The following HS3ST4 variants were observed in gnomAD, a reference collection of about 807,000 sequenced individuals.
HS3ST4 encodes heparan sulfate-glucosamine 3-sulfotransferase 4.
In HS3ST4, 17 loss-of-function variants were observed where a neutral mutation model predicts 29.2. That is an observed-to-expected ratio of 0.58 (90% CI 0.40 to 0.87). The LOEUF is 0.87. Ranked by LOEUF, HS3ST4 falls within the 40% of genes least tolerant of loss-of-function variation. The probability of loss-of-function intolerance (pLI) is 0.00; values close to 1 mark genes in which losing one functional copy is unlikely to be tolerated. For missense variants in HS3ST4, 627 were observed against 634.5 expected (o/e 0.99, Z 0.13); for synonymous variants, 314 against 285.7 (o/e 1.10, Z -1.00).
Position 26,103,060 on chromosome 16 carries a change from G to A in HS3ST4, c.735-32552G>A, listed in dbSNP as rs920293432. Among the ~76,000 whole-genome samples, 16 of 152,250 alleles carry A rather than the reference G, an allele frequency of 1.1e-4. No individual in the cohort carries two copies. The East Asian group carries it at 3.1e-3, about 30-fold the overall frequency. On this transcript the variant is annotated intron_variant, in intron 1 of 1. Coordinates refer to ENST00000331351, the MANE Select transcript of HS3ST4 (RefSeq NM_006040.3). ...ATATCACTTTAGCTCATATTCCATTGGCTAGAACTCAGTCACATGACCATA... is the reference window on the plus strand; with the variant it reads ...ATATCACTTTAGCTCATATTCCATTAGCTAGAACTCAGTCACATGACCATA...
rs12598414 is a variant in HS3ST4 at position 26,046,727 on chromosome 16, A to G, written c.735-88885A>G. Among the ~76,000 whole-genome samples the G allele has an allele frequency of 0.021, 3,192 of 151,482 alleles. 193 individuals are homozygous for G. In the East Asian group the frequency reaches 0.28, roughly 13 times the overall value. The stretch of plus-strand genomic sequence containing the variant: ...TGTATATATGTGTATATATATATAT[A>G]TGTGTGTGTGTGTATGTGTGTAAAC... On this transcript the variant is annotated intron_variant, in intron 1 of 1. Transcript: ENST00000331351.
chr16:25,806,644 T>C (rs562651711), intron 1 of HS3ST4, among the ~76,000 whole-genome samples: 2 of 152,334 alleles, frequency 1.3e-5, no homozygotes, highest in East Asian at 3.9e-4. Context: ...AGTTGCAAGT[T>C]CACATACAGT....
At chr16:26,029,272 T>C (rs1969509541) in intron 1 of HS3ST4, among the ~76,000 whole-genome samples, 1 of 152,198 alleles carries the variant, frequency 6.6e-6, no homozygotes, top group African/African-American at 2.4e-5. Context: ...ACTGGTTTCA[T>C]GGTCACATGG....
chr16:26,075,558 G>T (rs745650617), intron 1 of HS3ST4, among the ~76,000 whole-genome samples: 11 of 152,220 alleles, frequency 7.2e-5, no homozygotes, highest in Non-Finnish European at 1.2e-4. Context: ...CTCATTGCAG[G>T]ATGTGGTCTT....
At chr16:25,795,278 C>T (rs1348428871) in intron 1 of HS3ST4, among the ~76,000 whole-genome samples, 3 of 151,912 alleles carry the variant, frequency 2.0e-5, no homozygotes, top group African/African-American at 7.2e-5. Context: ...GCCCCCCATC[C>T]CGCCTTTTCT....
chr16:25,808,204 A>G (rs1032509310), intron 1 of HS3ST4, among the ~76,000 whole-genome samples: 2 of 152,160 alleles, frequency 1.3e-5, no homozygotes, highest in Non-Finnish European at 2.9e-5. Context: ...TTCTTTGCCT[A>G]GCCTGGATCC....
At chr16:25,769,186 G>A (rs1249513296) in intron 1 of HS3ST4, among the ~76,000 whole-genome samples, 1 of 152,100 alleles carries the variant, frequency 6.6e-6, no homozygotes, top group Non-Finnish European at 1.5e-5. Context: ...TGCTGGAATT[G>A]TGCTACCTCA....
chr16:26,031,383 A>T (rs1430200253), intron 1 of HS3ST4, among the ~76,000 whole-genome samples: 1 of 152,200 alleles, frequency 6.6e-6, no homozygotes, highest in Non-Finnish European at 1.5e-5. Flanking sequence ...AGGCTCCCGA[A>T]TCTGACTCAT....
chr16:26,042,751 C>T (rs1176051450), intron 1 of HS3ST4, among the ~76,000 whole-genome samples: 1 of 137,280 alleles, frequency 7.3e-6, no homozygotes, highest in African/African-American at 2.7e-5. Context: ...TGCAGTGTGA[C>T]TTTTTGTTCT....
At chr16:26,097,365 G>A (rs935963604) in intron 1 of HS3ST4, among the ~76,000 whole-genome samples, 14 of 152,076 alleles carry the variant, frequency 9.2e-5, no homozygotes, top group African/African-American at 2.9e-4. Context: ...AAACAGCATG[G>A]TACTGGTACC....
At chr16:25,757,088 G>C (rs762300888) in intron 1 of HS3ST4, among the ~76,000 whole-genome samples, 1 of 152,134 alleles carries the variant, frequency 6.6e-6, no homozygotes, top group Non-Finnish European at 1.5e-5. Context: ...GGCATGTAAG[G>C]CTGAGCAGGT....
intron 1 of HS3ST4, among the ~76,000 whole-genome samples, chr16:25,737,157 C>T (rs1014667198): frequency 6.6e-6 from 1 of 152,134 alleles, no homozygotes; most frequent in African/African-American, 2.4e-5. Context: ...GAATACTACA[C>T]AGCCATAAAA....
intron 1 of HS3ST4, chr16:25,825,573 CCTT>C (rs1967207120): frequency 6.6e-6 from 1 of 152,202 alleles, no homozygotes; most frequent in South Asian, 2.1e-4. Context: ...CTGTTCAACT[CCTT>C]TAGCTCCACA....
At chr16:25,919,387 G>T (rs541890982) in intron 1 of HS3ST4, among the ~76,000 whole-genome samples, 1 of 152,128 alleles carries the variant, frequency 6.6e-6, no homozygotes, top group South Asian at 2.1e-4. Flanking sequence ...TAGGACATTG[G>T]GGGTGGGGGA....
chr16:26,030,736 T>C lies in HS3ST4; in HGVS notation c.735-104876T>C, dbSNP rs150216005. 2.4e-3 allele frequency among the ~76,000 whole-genome samples: 369 copies of C among 152,292 alleles called. 4 individuals are homozygous for C. Among genetic ancestry groups the C allele is most frequent in the African/African-American group, 8.7e-3 (360 of 41,558 alleles). ...CTGGCATCTGCTGGAAATGGTATCA[T>C]TTCATAGAATAAATATGGTCTTGGG... On this transcript the variant is annotated intron_variant, in intron 1 of 1. Coordinates refer to ENST00000331351, the MANE Select transcript of HS3ST4 (RefSeq NM_006040.3).
intron 1 of HS3ST4, among the ~76,000 whole-genome samples, chr16:26,114,287 C>T (rs1014890126): frequency 2.0e-5 from 3 of 152,022 alleles, no homozygotes; most frequent in Non-Finnish European, 4.4e-5. Context: ...CTTTTTTTCC[C>T]TCTCATATTT....
At chr16:25,950,472 G>C (rs773889060) in intron 1 of HS3ST4, among the ~76,000 whole-genome samples, 1 of 152,022 alleles carries the variant, frequency 6.6e-6, no homozygotes, top group Non-Finnish European at 1.5e-5. Context: ...TAGATCTTTG[G>C]ATGAATGGAT....
chr16:25,775,901 C>T (rs1447640358), intron 1 of HS3ST4, among the ~76,000 whole-genome samples: 2 of 152,224 alleles, frequency 1.3e-5, no homozygotes, highest in African/African-American at 2.4e-5. Context: ...CGCATACAGT[C>T]TTAGTCCTGT....
chr16:25,956,899 C>G (rs8057791), intron 1 of HS3ST4, among the ~76,000 whole-genome samples: 74,729 of 150,110 alleles, frequency 0.5, 18,863 homozygotes, highest in African/African-American at 0.58. Flanking sequence ...TTGGGAGGCT[C>G]AGGCAGGAGA....
Sources: allele counts gnomAD v4.1 joint callset (sites outside exome capture counted in the v4.1 genomes callset), GRCh38; gene constraint gnomAD v4.1.1; transcripts MANE v1.5; gene names NCBI Gene and HGNC (gene_info 2026-07-23, HGNC 2026-07-21).